The following DMD variants were observed in gnomAD, a reference collection of about 807,000 sequenced individuals.
DMD encodes the protein mutant dystrophin.
DMD carries 63 observed loss-of-function variants against 330.1 expected under a neutral mutation model. The ratio of observed to expected loss-of-function variants is 0.19; its 90% CI spans 0.16 to 0.24. DMD has a LOEUF of 0.24. Among genes scored for constraint, DMD ranks in the 10% least tolerant of loss-of-function variants. The pLI, the probability that DMD is intolerant of heterozygous loss-of-function variation, is 1.00. For synonymous variants in DMD, 1,223 were observed against 959.8 expected (o/e 1.27, Z -5.07); for missense variants, 3,344 against 2,684.1 (o/e 1.25, Z -5.43).
chrX:32,815,520 T>TATATATATATATATATACAC, intron 6 of DMD, among the ~76,000 whole-genome samples: 4 of 78,953 alleles, frequency 5.1e-5, no homozygotes, highest in African/African-American at 2.1e-4. Context: ...TATATATATA[T>TATATATATATATATATACAC]ACACACACAC....
chrX:32,441,371 A>G (rs2098280892), intron 27 of DMD, 57 bp from the exon 28 acceptor site: 1 of 1,122,089 alleles, frequency 8.9e-7, no homozygotes, highest in African/African-American at 1.8e-5. Context: ...TAAATGTGAA[A>G]TTTTGCCATT....
intron 9 of DMD, among the ~76,000 whole-genome samples, chrX:32,646,178 G>A (rs1321252773): frequency 9.0e-6 from 1 of 111,530 alleles, no homozygotes; most frequent in African/African-American, 3.3e-5. Flanking sequence ...GCATGCTATA[G>A]GAACCATACA....
intron 45 of DMD, among the ~76,000 whole-genome samples, chrX:31,936,726 C>T (rs1020583641): frequency 6.3e-5 from 7 of 110,876 alleles, no homozygotes; most frequent in Non-Finnish European, 1.3e-4. Flanking sequence ...GCCATTTTAC[C>T]ATTGTTCAGA....
rs2092323267 is a variant in DMD at position 32,969,903 on chromosome X, A to G, written c.93+50236T>C. 2.1e-5 allele frequency among the ~76,000 whole-genome samples: 2 copies of G among 94,926 alleles called. 1 individual carries two copies. Among genetic ancestry groups the G allele is most frequent in the Non-Finnish European group, 4.0e-5 (2 of 49,516 alleles). The allele number at this position is 94,926 out of a possible 115,157, so 82.4% of individuals were successfully genotyped here. ...ACAAAGAAAACCCATGTCCATCTAAACCCTTACTCATGTGAAAACATAAAT... is the reference window on the plus strand; with the variant it reads ...ACAAAGAAAACCCATGTCCATCTAAGCCCTTACTCATGTGAAAACATAAAT... On this transcript the variant is annotated intron_variant, in intron 2 of 78. Transcript: ENST00000357033.
chrX:32,741,284 G>A lies in DMD; in HGVS notation c.650-41991C>T, dbSNP rs1260045008. Among the ~76,000 whole-genome samples the A allele has an allele frequency of 4.5e-5, 5 of 111,360 alleles. No homozygotes were observed. In the Admixed American group the frequency reaches 4.8e-4, roughly 11 times the overall value. ...AGGGCAACAGCGCTGACATTTCTAG[G>A]TCAAAAGTTTTCATGAGATTATGGA... On this transcript the variant is annotated intron_variant, in intron 7 of 78. Transcript: ENST00000357033.
At chrX:31,549,081 G>A in intron 55 of DMD, among the ~76,000 whole-genome samples, 1 of 111,519 alleles carries the variant, frequency 9.0e-6, no homozygotes, top group East Asian at 2.8e-4. Context: ...AAAATGAGGA[G>A]GGTATGGATT....
At chrX:32,729,801 A>C (rs1264250159) in intron 7 of DMD, among the ~76,000 whole-genome samples, 1 of 112,031 alleles carries the variant, frequency 8.9e-6, no homozygotes, top group Non-Finnish European at 1.9e-5. Context: ...TTCCTATCAA[A>C]GTAAAAACGT....
intron 44 of DMD, among the ~76,000 whole-genome samples, chrX:32,010,693 C>G (rs1000653758): frequency 1.1e-4 from 12 of 111,821 alleles, no homozygotes; most frequent in African/African-American, 3.9e-4. Context: ...TGAAAGCAGT[C>G]TCTGACTACC....
intron 17 of DMD, among the ~76,000 whole-genome samples, chrX:32,537,126 G>A (rs1453413808): frequency 1.8e-5 from 2 of 111,791 alleles, no homozygotes; most frequent in East Asian, 5.6e-4. Flanking sequence ...CACTGCACAA[G>A]TTCAGGATGT....
chrX:32,741,331 G>C (rs966389793), intron 7 of DMD, among the ~76,000 whole-genome samples: 5 of 111,397 alleles, frequency 4.5e-5, no homozygotes, highest in African/African-American at 1.6e-4. Context: ...TGTACAATTA[G>C]CCTCCAGATG....
At chrX:31,771,823 T>C (rs190447810) in intron 51 of DMD, among the ~76,000 whole-genome samples, 1 of 111,617 alleles carries the variant, frequency 9.0e-6, no homozygotes, top group African/African-American at 3.3e-5. Context: ...TTTTGACCTA[T>C]ATTTAAAGAC....
At chrX:32,599,589 T>C (rs768384416) in intron 12 of DMD, among the ~76,000 whole-genome samples, 9 of 111,399 alleles carry the variant, frequency 8.1e-5, no homozygotes, top group African/African-American at 2.9e-4. Context: ...AGCCAAATAG[T>C]TTCCAAATAT....
chrX:31,308,470 G>A (rs890385750), intron 62 of DMD, among the ~76,000 whole-genome samples: 34 of 111,504 alleles, frequency 3.0e-4, no homozygotes, highest in Non-Finnish European at 5.8e-4. Flanking sequence ...CTAAAAAATC[G>A]CTTCCAAATG....
intron 44 of DMD, among the ~76,000 whole-genome samples, chrX:32,026,626 C>T (rs1387411076): frequency 8.9e-6 from 1 of 112,179 alleles, no homozygotes; most frequent in Admixed American, 9.4e-5. Flanking sequence ...AATTATTTTC[C>T]TCCTAAATAT....
At chrX:31,301,117 C>T (rs1046054608) in intron 62 of DMD, among the ~76,000 whole-genome samples, 1 of 111,391 alleles carries the variant, frequency 9.0e-6, no homozygotes, top group African/African-American at 3.3e-5. Flanking sequence ...GGGCTACTGC[C>T]ATAGGTGGAG....
intron 21 of DMD, among the ~76,000 whole-genome samples, chrX:32,480,497 T>TACATACACAGTATGTGTCTACGTGTG (rs1569564536): frequency 1.4e-4 from 15 of 104,513 alleles, no homozygotes; most frequent in African/African-American, 6.0e-4. Context: ...GTCTACGTGT[T>TACATACACAGTATGTGTCTACGTGTG]TATATACACA....
intron 41 of DMD, among the ~76,000 whole-genome samples, chrX:32,339,208 A>C (rs2097729685): frequency 9.0e-6 from 1 of 111,423 alleles, no homozygotes. Context: ...ACAGCACTCA[A>C]AGTCACTGGG....
rs3788895 is a variant in DMD at position 31,510,790 on chromosome X, T to C, written c.8218-3337A>G. ...TCCCAAAGTGCTTGGATTACAGGCG[T>C]GAGCCACCACACCTGGCCCTGATTG... is the stretch of plus-strand genomic sequence containing the variant. On this transcript the variant is annotated intron_variant, in intron 55 of 78. Coordinates refer to ENST00000357033, the MANE Select transcript of DMD (RefSeq NM_004006.3). Among the ~76,000 whole-genome samples, 783 of 110,868 alleles carry C rather than the reference T, an allele frequency of 7.1e-3. 39 individuals are homozygous for C. The East Asian group carries it at 0.15, about 22-fold the overall frequency.
At chrX:31,933,509 A>ATT (rs5901997) in intron 45 of DMD, among the ~76,000 whole-genome samples, 1 of 110,257 alleles carries the variant, frequency 9.1e-6, no homozygotes, top group African/African-American at 3.3e-5. Flanking sequence ...ATAATTGAAA[A>ATT]TTTTTTGTTT....
Sources: allele counts gnomAD v4.1 joint callset (sites outside exome capture counted in the v4.1 genomes callset), GRCh38; gene constraint gnomAD v4.1.1; transcripts MANE v1.5; gene names NCBI Gene and HGNC (gene_info 2026-07-23, HGNC 2026-07-21).